The following SLC16A7 variants were observed in gnomAD, a reference collection of about 807,000 sequenced individuals.
SLC16A7 encodes the protein monocarboxylate transporter 2.
Under a neutral mutation model 34.9 loss-of-function variants are expected in SLC16A7, and 33 were observed. That is an observed-to-expected ratio of 0.94 (90% CI 0.72 to 1.26). SLC16A7 has a LOEUF of 1.26. Ranked by LOEUF, SLC16A7 falls within the 50% of genes most tolerant of loss-of-function variation. SLC16A7 has a pLI of 0.00. For missense variants in SLC16A7, 573 were observed against 578.1 expected (o/e 0.99, Z 0.09); for synonymous variants, 201 against 206.6 (o/e 0.97, Z 0.23).
intron 1 of SLC16A7, among the ~76,000 whole-genome samples, chr12:59,635,603 A>G (rs1880383538): frequency 6.6e-6 from 1 of 152,072 alleles, no homozygotes; most frequent in Admixed American, 6.6e-5. Context: ...TTGAAAATCC[A>G]TGTATCAGTT....
At chr12:59,659,323 G>A (rs1868707954) in intron 2 of SLC16A7, among the ~76,000 whole-genome samples, 1 of 152,004 alleles carries the variant, frequency 6.6e-6, no homozygotes, top group African/African-American at 2.4e-5. Flanking sequence ...ATATTGTGCA[G>A]TGGTAAAATC....
intron 1 of SLC16A7, among the ~76,000 whole-genome samples, chr12:59,635,423 C>A (rs1240516914): frequency 6.6e-6 from 1 of 152,002 alleles, no homozygotes; most frequent in Admixed American, 6.6e-5. Flanking sequence ...TATGATAGAA[C>A]ACATTACAAA....
Position 59,743,187 on chromosome 12 carries a change from C to T in SLC16A7, c.218-28032C>T, listed in dbSNP as rs547821316. On this transcript the variant is annotated intron_variant, in intron 3 of 5. Transcript: ENST00000547379. ...GTTTAAAAAGAGAAATTTAGGATGC[C>T]GGCACTAAAGAAAGAGGCTAGAGTA... is the stretch of plus-strand genomic sequence containing the variant. Among the ~76,000 whole-genome samples, 80 of 152,016 alleles carry T rather than the reference C, an allele frequency of 5.3e-4. No individual in the cohort carries two copies. The Middle Eastern group carries it at 0.01, about 19-fold the overall frequency.
chr12:59,776,521 T>C (rs17122995), intron 5 of SLC16A7, among the ~76,000 whole-genome samples: 2,919 of 152,320 alleles, frequency 0.019, 97 homozygotes, highest in African/African-American at 0.066. Context: ...ACTCTTGGCC[T>C]GCTCTCTCAT....
chr12:59,766,267 C>A (rs886975861), intron 3 of SLC16A7, among the ~76,000 whole-genome samples: 54 of 152,288 alleles, frequency 3.5e-4, no homozygotes, highest in African/African-American at 1.2e-3. Context: ...ACAATCATGT[C>A]ATCTGCAAAC....
chr12:59,691,473 G>T (rs891290548), intron 2 of SLC16A7, among the ~76,000 whole-genome samples: 1 of 152,022 alleles, frequency 6.6e-6, no homozygotes, highest in Non-Finnish European at 1.5e-5. Context: ...AGCTAGTCAA[G>T]AACAAAATTA....
At chr12:59,736,263 G>C (rs12824600) in intron 3 of SLC16A7, among the ~76,000 whole-genome samples, 11,831 of 152,160 alleles carry the variant, frequency 0.078, 555 homozygotes, top group Middle Eastern at 0.18. Context: ...AATTGCTAGA[G>C]AGTGGGTGTT....
At chr12:59,670,780 A>G (rs573681271) in intron 2 of SLC16A7, among the ~76,000 whole-genome samples, 2 of 152,324 alleles carry the variant, frequency 1.3e-5, no homozygotes, top group African/African-American at 4.8e-5. Flanking sequence ...AAGGCTTGGC[A>G]ATCATGATCT....
In SLC16A7 at chr12:59,760,181, T is replaced by C. The variant is rs565340664; in HGVS notation, c.218-11038T>C. 3.3e-5 allele frequency among the ~76,000 whole-genome samples: 5 copies of C among 152,192 alleles called. No individual in the cohort carries two copies. In the East Asian group the frequency reaches 9.7e-4, roughly 29 times the overall value. ...TTATGTAGAGTGCAGACAAAAAGCA[T>C]TGGCATTTCCAGGAATAAATCTAGA... On this transcript the variant is annotated intron_variant, in intron 3 of 5. Transcript: ENST00000547379.
chr12:59,670,907 G>A (rs1378010272), intron 2 of SLC16A7, among the ~76,000 whole-genome samples: 1 of 152,128 alleles, frequency 6.6e-6, no homozygotes, highest in Non-Finnish European at 1.5e-5. Flanking sequence ...CTGCCCTCTA[G>A]ACATAAGAAA....
intron 3 of SLC16A7, among the ~76,000 whole-genome samples, chr12:59,736,553 C>T (rs1877629870): frequency 6.6e-6 from 1 of 152,126 alleles, no homozygotes; most frequent in South Asian, 2.1e-4. Flanking sequence ...TCCCCACTAT[C>T]AGCTGCTGCA....
In SLC16A7 at chr12:59,768,283, A is replaced by G. The variant is rs561004346; in HGVS notation, c.218-2936A>G. On this transcript the variant is annotated intron_variant, in intron 3 of 5. Coordinates refer to ENST00000547379, the MANE Select transcript of SLC16A7 (RefSeq NM_001270623.2). ...AGAAGTTTGGAAGAAGTTTATTTCA[A>G]TCCTCATGGGTGACTTTAAGAGGCT... The G allele has an allele frequency of 1.9e-4, 83 of 448,262 alleles. No individual in the cohort carries two copies. In the East Asian group the frequency reaches 3.1e-3, roughly 17 times the overall value. 27.8% of individuals were successfully genotyped at this position (448,262 alleles called of 1,614,324 possible).
intron 3 of SLC16A7, among the ~76,000 whole-genome samples, chr12:59,709,721 G>C (rs565674969): frequency 2.6e-5 from 4 of 151,726 alleles, no homozygotes; most frequent in African/African-American, 7.3e-5. Context: ...TCTATGCCAT[G>C]TTAGACTCTT....
intron 3 of SLC16A7, among the ~76,000 whole-genome samples, chr12:59,761,934 A>T (rs1331923738): frequency 6.6e-6 from 1 of 152,108 alleles, no homozygotes; most frequent in African/African-American, 2.4e-5. Context: ...TATGGGAGAA[A>T]TCAGTAGCAC....
In SLC16A7 at chr12:59,704,959, C is replaced by A; in HGVS notation, c.158C>A (p.Thr53Asn). The change falls in exon 3 of 6, where the codon ACT (threonine) becomes AAT (asparagine). Residue 53 changes from threonine (T) to asparagine (N), a missense_variant. Thr to Asn is a moderately conservative substitution (Grantham distance 65, BLOSUM62 0). Transcript: ENST00000547379. Reference protein sequence around the residue: ...FFKEIQQIFHTTYSEIAWISS... With the variant: ...FFKEIQQIFHNTYSEIAWISS... ...AAAGAAATTCAGCAAATATTCCACA[C>A]TACCTACAGTGAAATAGCATGGATT... 1.2e-6 allele frequency: 2 copies of A among 1,613,744 alleles called. No individual in the cohort carries two copies. Among genetic ancestry groups the A allele is most frequent in the African/African-American group, 2.7e-5 (2 of 75,020 alleles).
At chr12:59,656,818 A>G (rs562304065) in intron 2 of SLC16A7, among the ~76,000 whole-genome samples, 15 of 152,080 alleles carry the variant, frequency 9.9e-5, no homozygotes, top group Non-Finnish European at 1.6e-4. Context: ...GTAATATGTC[A>G]TATGGTTCCT....
intron 3 of SLC16A7, among the ~76,000 whole-genome samples, chr12:59,737,952 A>AC (rs746322085): frequency 2.0e-5 from 3 of 152,190 alleles, no homozygotes; most frequent in Middle Eastern, 6.3e-3. Flanking sequence ...AGAGACTGAT[A>AC]CTGCTTTGCC....
chr12:59,625,611 G>T (rs1419795955), intron 1 of SLC16A7, among the ~76,000 whole-genome samples: 2 of 151,776 alleles, frequency 1.3e-5, no homozygotes, highest in East Asian at 3.9e-4. Flanking sequence ...AGGAATAAAT[G>T]AGTTACTACA....
At chr12:59,646,311 G>A (rs989648866) in intron 1 of SLC16A7, among the ~76,000 whole-genome samples, 3 of 152,186 alleles carry the variant, frequency 2.0e-5, no homozygotes, top group Non-Finnish European at 4.4e-5. Flanking sequence ...GCAGCCTCAA[G>A]ACTGGATGCT....
Sources: allele counts gnomAD v4.1 joint callset (sites outside exome capture counted in the v4.1 genomes callset), GRCh38; gene constraint gnomAD v4.1.1; transcripts MANE v1.5; gene names NCBI Gene and HGNC (gene_info 2026-07-23, HGNC 2026-07-21).